Variants in DTNB observed in about 807,000 individuals in gnomAD.
DTNB encodes DTN-B.
Under a neutral mutation model 90.7 loss-of-function variants are expected in DTNB, and 63 were observed. That is an observed-to-expected ratio of 0.69 (90% CI 0.57 to 0.86). DTNB has a LOEUF of 0.86. DTNB is among the 40% of genes least tolerant of loss of function. The pLI is 0.00. For synonymous variants in DTNB, 277 were observed against 286.7 expected, an observed-to-expected ratio of 0.97 and a Z score of 0.34; for missense variants, 744 against 807.1, an observed-to-expected ratio of 0.92 and a Z score of 0.95.
chr2:25,553,381 T>C (rs1235635455), intron 8 of DTNB, among the ~76,000 whole-genome samples: 1 of 152,146 alleles, frequency 6.6e-6, no homozygotes, highest in Admixed American at 6.6e-5. Flanking sequence ...GAGAGAAATA[T>C]AATCCATGTA....
At chr2:25,634,223 C>G (rs1271971075) in intron 3 of DTNB, among the ~76,000 whole-genome samples, 1 of 114,856 alleles carries the variant, frequency 8.7e-6, no homozygotes. Context: ...GCCGCCCTGT[C>G]CGGGAGGGAG....
At chr2:25,599,889 G>A (rs961032971) in intron 5 of DTNB, among the ~76,000 whole-genome samples, 4 of 152,056 alleles carry the variant, frequency 2.6e-5, no homozygotes, top group African/African-American at 7.2e-5. Flanking sequence ...TTGAGCCCAG[G>A]AGTTCAAGGC....
rs371597464 is a variant in DTNB at position 25,432,852 on chromosome 2, T to C, written c.1457+34A>G. Reference sequence around the variant, plus strand: ...CAGATAAGTTCCATCCATAGTAGATTACATGTGGCAAGTGGTAGAGTGTCC... The same window carrying C: ...CAGATAAGTTCCATCCATAGTAGATCACATGTGGCAAGTGGTAGAGTGTCC... On this transcript the variant is annotated intron_variant, in intron 14 of 20. Transcript: ENST00000406818. The C allele has an allele frequency of 7.7e-6, 12 of 1,558,302 alleles. No homozygotes were observed. In the African/African-American group the frequency reaches 1.6e-4, roughly 21 times the overall value.
At chr2:25,564,003 G>A (rs573171241) in intron 8 of DTNB, among the ~76,000 whole-genome samples, 12 of 152,128 alleles carry the variant, frequency 7.9e-5, no homozygotes, top group South Asian at 2.1e-4. Context: ...CCAGGTTCAC[G>A]CCATTCTCCT....
intron 9 of DTNB, among the ~76,000 whole-genome samples, chr2:25,508,264 G>A (rs2072985048): frequency 6.6e-6 from 1 of 152,122 alleles, no homozygotes; most frequent in African/African-American, 2.4e-5. Flanking sequence ...TTTGCTGAAT[G>A]ACTGATAAAC....
At chr2:25,507,534 C>T (rs1350991169) in intron 9 of DTNB, among the ~76,000 whole-genome samples, 1 of 152,166 alleles carries the variant, frequency 6.6e-6, no homozygotes, top group African/African-American at 2.4e-5. Context: ...CAGTATTTGT[C>T]AGCAAATACT....
chr2:25,524,183 G>A (rs1298489441), intron 9 of DTNB, among the ~76,000 whole-genome samples: 1 of 152,060 alleles, frequency 6.6e-6, no homozygotes, highest in East Asian at 1.9e-4. Flanking sequence ...TCACAGGCAT[G>A]AGCCACCGTG....
chr2:25,582,390 T>C (rs1241478179), intron 6 of DTNB, among the ~76,000 whole-genome samples: 4 of 152,122 alleles, frequency 2.6e-5, no homozygotes, highest in Non-Finnish European at 5.9e-5. Context: ...GATTCCAGTA[T>C]ACGTAAATTG....
At chr2:25,434,889 A>AT (rs1342339517) in intron 12 of DTNB, among the ~76,000 whole-genome samples, 1 of 151,926 alleles carries the variant, frequency 6.6e-6, no homozygotes, top group Admixed American at 6.6e-5. Context: ...TTTACTTTTT[A>AT]TTTTTTATTT....
chr2:25,495,182 C>T (rs1032461159), intron 9 of DTNB, among the ~76,000 whole-genome samples: 3 of 152,046 alleles, frequency 2.0e-5, no homozygotes, highest in African/African-American at 7.2e-5. Flanking sequence ...TCTCTTGCTT[C>T]GGCCTCCCAA....
intron 8 of DTNB, among the ~76,000 whole-genome samples, chr2:25,567,216 G>A (rs909239047): frequency 2.0e-5 from 3 of 152,164 alleles, no homozygotes; most frequent in Admixed American, 1.3e-4. Context: ...ATTATGACAC[G>A]TGGCTATTTA....
At chr2:25,660,067 G>C (rs1465908129) in intron 1 of DTNB, among the ~76,000 whole-genome samples, 6 of 152,124 alleles carry the variant, frequency 3.9e-5, no homozygotes, top group Non-Finnish European at 8.8e-5. Context: ...GGAATCAATG[G>C]AACAGACTGG....
chr2:25,519,851 C>T (rs2075828353), intron 9 of DTNB, among the ~76,000 whole-genome samples: 1 of 152,154 alleles, frequency 6.6e-6, no homozygotes, highest in South Asian at 2.1e-4. Flanking sequence ...GCAATTGGAA[C>T]ATCAGATTCA....
intron 16 of DTNB, among the ~76,000 whole-genome samples, chr2:25,398,438 C>A (rs914759725): frequency 6.6e-6 from 1 of 152,202 alleles, no homozygotes; most frequent in Non-Finnish European, 1.5e-5. Flanking sequence ...CAGGGCCCTC[C>A]GTGAATTCTG....
intron 14 of DTNB, among the ~76,000 whole-genome samples, chr2:25,428,945 C>T (rs868068157): frequency 6.6e-6 from 1 of 152,128 alleles, no homozygotes; most frequent in Non-Finnish European, 1.5e-5. Context: ...TTTAAACTGC[C>T]GCTCAAAACA....
At chr2:25,386,741 C>A (rs1174342312) in intron 18 of DTNB, among the ~76,000 whole-genome samples, 1 of 152,166 alleles carries the variant, frequency 6.6e-6, no homozygotes, top group Non-Finnish European at 1.5e-5. Context: ...CACAGATGAG[C>A]TGAACACAAG....
chr2:25,615,882 A>G (rs1284729470), intron 4 of DTNB, among the ~76,000 whole-genome samples: 5 of 152,248 alleles, frequency 3.3e-5, no homozygotes, highest in African/African-American at 1.2e-4. Flanking sequence ...GATACTATTC[A>G]GATGCCTAAA....
rs781513715 is a variant in DTNB at position 25,611,296 on chromosome 2, T to C, written c.363-3975A>G. Among the ~76,000 whole-genome samples, 41 of 152,362 alleles carry C rather than the reference T, an allele frequency of 2.7e-4. 1 individual carries two copies. The highest frequency in any genetic ancestry group is 3.4e-3 in the Middle Eastern group (1 of 294). ...GACAAACAAAACATGAGTCACTGCC[T>C]ATACTATAGGTACAAATAAATACTT... is the stretch of plus-strand genomic sequence containing the variant. On this transcript the variant is annotated intron_variant, in intron 4 of 20. Transcript: ENST00000406818.
At chr2:25,577,838 T>A (rs771005358) in intron 7 of DTNB, among the ~76,000 whole-genome samples, 1 of 152,104 alleles carries the variant, frequency 6.6e-6, no homozygotes, top group Non-Finnish European at 1.5e-5. Flanking sequence ...CCGTCTCTAC[T>A]AAAAATATAA....
Sources: allele counts gnomAD v4.1 joint callset (sites outside exome capture counted in the v4.1 genomes callset), GRCh38; gene constraint gnomAD v4.1.1; transcripts MANE v1.5; gene names NCBI Gene and HGNC (gene_info 2026-07-23, HGNC 2026-07-21).